GSTM4: variants seen among roughly 807,000 people sequenced by gnomAD.
GSTM4 encodes the protein GST class-mu 4.
A neutral mutation model predicts 30.1 loss-of-function variants in GSTM4; 27 were observed. The observed-to-expected ratio is 0.90, with a 90% CI of 0.66 to 1.24. The LOEUF (loss-of-function observed/expected upper bound fraction) is 1.24, where lower values mean the gene tolerates loss of function less well. Among genes scored for constraint, GSTM4 ranks in the 50% most tolerant of loss-of-function variants. The pLI, the probability that GSTM4 is intolerant of heterozygous loss-of-function variation, is 0.00. For synonymous variants in GSTM4, 94 were observed against 96.2 expected (o/e 0.98, Z 0.13); for missense variants, 238 against 272.1 (o/e 0.87, Z 0.88).
chr1:109,663,620 A>G (rs566394), downstream of GSTM4, among the ~76,000 whole-genome samples: 26,447 of 151,666 alleles, frequency 0.17, 2,906 homozygotes, highest in African/African-American at 0.31. Context: ...AGCTGAGATC[A>G]CGCCACTGCA....
In GSTM4 at chr1:109,659,021, G is replaced by C. The variant is rs147618175; in HGVS notation, c.478G>C (p.Ala160Pro). Residue 160 changes from alanine to proline, a missense_variant, in exon 7 of 8, where the codon GCC (alanine) becomes CCC (proline). Ala to Pro is a conservative substitution (Grantham distance 27). Transcript: ENST00000369836. Reference sequence around the variant, plus strand: ...GCAGATCACCTTTGTAGATTTCCTCGCCTATGATGTCCTTGACCTCCACCG... The same window carrying C: ...GCAGATCACCTTTGTAGATTTCCTCCCCTATGATGTCCTTGACCTCCACCG... ...GDKITFVDFLAYDVLDLHRIF... is the reference protein window; with the variant it reads ...GDKITFVDFLPYDVLDLHRIF... 6.2e-7 allele frequency: 1 copy of C among 1,614,038 alleles called. No homozygotes were observed. The highest frequency in any genetic ancestry group is 8.5e-7 in the Non-Finnish European group (1 of 1,180,034).
downstream of GSTM4, chr1:109,665,268 G>T: frequency 1.7e-6 from 1 of 593,588 alleles, no homozygotes; most frequent in Non-Finnish European, 3.0e-6. Context: ...CCTATCCTGG[G>T]ACCTCCACAC....
intron 7 of GSTM4, chr1:109,660,345 A>G (rs1652250782): frequency 6.5e-6 from 1 of 153,844 alleles, no homozygotes; most frequent in Non-Finnish European, 1.4e-5. Context: ...TGATCCTGGA[A>G]AGATCGTGCA....
At chr1:109,664,341 CTTTTTTTTTTTTTTTTTTTT>C (rs77855995), downstream of GSTM4, among the ~76,000 whole-genome samples, 14 of 35,756 alleles carry the variant, frequency 3.9e-4, no homozygotes, top group East Asian at 3.2e-3. Flanking sequence ...GAGAGAATAG[CTTTTTTTTTTTTTTTTTTTT>C]TTTTTTTTTT....
At chr1:109,662,186 G>A (rs1313842302), downstream of GSTM4, among the ~76,000 whole-genome samples, 1 of 152,230 alleles carries the variant, frequency 6.6e-6, no homozygotes. Flanking sequence ...CACATAAAGT[G>A]CTCTATAGAA....
downstream of GSTM4, among the ~76,000 whole-genome samples, chr1:109,664,340 G>GTTTTTTTTTTTTTTTT: frequency 3.5e-5 from 1 of 28,628 alleles, no homozygotes; most frequent in Admixed American, 5.9e-4. Context: ...AGAGAGAATA[G>GTTTTTTTTTTTTTTTT]CTTTTTTTTT....
Position 109,656,307 on chromosome 1 carries a change from G to C in GSTM4, c.-83G>C. 4 of 1,381,438 alleles carry C rather than the reference G, an allele frequency of 2.9e-6. No homozygotes were observed. Among genetic ancestry groups the C allele is most frequent in the Non-Finnish European group, 3.1e-6 (3 of 968,168 alleles). 85.6% of individuals were successfully genotyped at this position (1,381,438 alleles called of 1,614,324 possible). On this transcript the variant is annotated 5_prime_UTR_variant, in exon 1 of 8. Coordinates refer to ENST00000369836, the MANE Select transcript of GSTM4 (RefSeq NM_000850.5). The stretch of plus-strand genomic sequence containing the variant: ...GGGGGCGGGTCTGGCGCTAGGTCCA[G>C]CCCCTGCGTGCCGGGAACCCCAGAG...
rs556484425 is a variant in GSTM4 at position 109,656,786 on chromosome 1, C to T, written c.111C>T (p.Asp37=). The T allele has an allele frequency of 3.7e-6, 6 of 1,613,298 alleles. No homozygotes were observed. The highest frequency in any genetic ancestry group is 1.6e-4 in the Middle Eastern group (1 of 6,062). ...SYEEKKYTMG[D]APDYDRSQWL... ...AGGAAAAGAAGTATACGATGGGGGA[C>T]GGTAATGACACCCTTGTGTCCGGGC... Residue 37 remains aspartate (D), a splice_region_variant and synonymous_variant, in exon 2 of 8, where the codon GAC becomes GAT. Coordinates refer to ENST00000369836, the MANE Select transcript of GSTM4 (RefSeq NM_000850.5).
chr1:109,659,095 C>A lies in GSTM4; in HGVS notation c.552C>A (p.Phe184Leu). ...ACGCCTTTCCAAATCTGAAGGACTT[C>A]ATCTCCCGCTTTGAGGTGATGCCCC... is the stretch of plus-strand genomic sequence containing the variant. ...CLDAFPNLKD[F>L]ISRFEGLEKI... Residue 184 changes from phenylalanine (F) to leucine (L), a missense_variant, in exon 7 of 8, where the codon TTC becomes TTA. Phe to Leu is a conservative substitution (Grantham distance 22). Coordinates refer to ENST00000369836, the MANE Select transcript of GSTM4 (RefSeq NM_000850.5). 1 of 1,614,206 alleles carries A rather than the reference C, an allele frequency of 6.2e-7. No homozygotes were observed. Among genetic ancestry groups the A allele is most frequent in the Non-Finnish European group, 8.5e-7 (1 of 1,180,042 alleles).
intron 2 of GSTM4, 118 bp from the exon 3 acceptor site, chr1:109,657,097 G>A (rs1652036353): frequency 1.0e-6 from 1 of 1,000,842 alleles, no homozygotes; most frequent in Middle Eastern, 3.0e-4. Flanking sequence ...GGGACTGAGT[G>A]GTCAGATTCT....
At chr1:109,661,906 C>T (rs1271294086), downstream of GSTM4, among the ~76,000 whole-genome samples, 3 of 152,068 alleles carry the variant, frequency 2.0e-5, no homozygotes, top group Non-Finnish European at 4.4e-5. Context: ...TCGTAGCTTA[C>T]TGCAACATCC....
chr1:109,665,022 C>A, downstream of GSTM4: 1 of 1,600,544 alleles, frequency 6.2e-7, no homozygotes, highest in African/African-American at 1.3e-5. Flanking sequence ...TTTCCTGTGG[C>A]ATAATGTGAT....
chr1:109,656,462 G>T lies in GSTM4; in HGVS notation c.36+37G>T, dbSNP rs189533347. ...TCCGCTGCACTGTGGGACCGGGCGC[G>T]TGGGCGGGAAGTGCCGAGCGGCTGG... On this transcript the variant is annotated intron_variant, in intron 1 of 7. Transcript: ENST00000369836. 18 of 1,612,858 alleles carry T rather than the reference G, an allele frequency of 1.1e-5. No individual in the cohort carries two copies. The Admixed American group carries it at 3.0e-4, about 27-fold the overall frequency.
In GSTM4 at chr1:109,657,865, C is replaced by T; in HGVS notation, c.353C>T (p.Pro118Leu). 6.2e-7 allele frequency: 1 copy of T among 1,614,056 alleles called. No individual in the cohort carries two copies. Among genetic ancestry groups the T allele is most frequent in the Non-Finnish European group, 8.5e-7 (1 of 1,179,876 alleles). The change falls in exon 5 of 8, where the codon CCT becomes CTT. Residue 118 changes from proline (P) to leucine (L), a missense_variant. Transcript: ENST00000369836. ...CAGCTGGCCAGAGTCTGCTACAGCCCTGACTTTGTGAGTCCCTCCCTGGTC... is the reference window on the plus strand; with the variant it reads ...CAGCTGGCCAGAGTCTGCTACAGCCTTGACTTTGTGAGTCCCTCCCTGGTC... ...SNQLARVCYS[P>L]DFEKLKPEYL...
chr1:109,656,486 G>GGGGACCGGCTC, intron 1 of GSTM4, 61 bp downstream of exon 1: 1 of 1,588,396 alleles, frequency 6.3e-7, no homozygotes, highest in Non-Finnish European at 8.6e-7. Context: ...CCGAGCGGCT[G>GGGGACCGGCTC]GGGACCGGCT....
In GSTM4 at chr1:109,657,881, C is replaced by A. The variant is rs1352583939; in HGVS notation, c.360+9C>A. 1 of 1,611,536 alleles carries A rather than the reference C, an allele frequency of 6.2e-7. No homozygotes were observed. Among genetic ancestry groups the A allele is most frequent in the Non-Finnish European group, 8.5e-7 (1 of 1,177,576 alleles). ...GCTACAGCCCTGACTTTGTGAGTCC[C>A]TCCCTGGTCTGGACCAGAAGCCAGG... On this transcript the variant is annotated intron_variant, in intron 5 of 7. Coordinates refer to ENST00000369836, the MANE Select transcript of GSTM4 (RefSeq NM_000850.5).
downstream of GSTM4, among the ~76,000 whole-genome samples, chr1:109,664,727 A>G (rs1647249462): frequency 6.6e-6 from 1 of 152,124 alleles, no homozygotes; most frequent in South Asian, 2.1e-4. Context: ...TACCTTAGGT[A>G]CTTGAGGGAT....
chr1:109,656,660 C>T, intron 1 of GSTM4, 52 bp from the exon 2 acceptor site: 1 of 1,579,152 alleles, frequency 6.3e-7, no homozygotes, highest in Non-Finnish European at 8.7e-7. Flanking sequence ...GAGAAAGTCA[C>T]CAAGTCAGGG....
chr1:109,666,096 ATTAC>A (rs1647312539), downstream of GSTM4, among the ~76,000 whole-genome samples: 1 of 152,106 alleles, frequency 6.6e-6, no homozygotes, highest in Non-Finnish European at 1.5e-5. Context: ...TTGACTTGTT[ATTAC>A]TTTTTTTTGA....
Sources: allele counts gnomAD v4.1 joint callset (sites outside exome capture counted in the v4.1 genomes callset), GRCh38; gene constraint gnomAD v4.1.1; transcripts MANE v1.5; gene names NCBI Gene and HGNC (gene_info 2026-07-23, HGNC 2026-07-21).